The following IFT88 variants were observed in gnomAD, a reference collection of about 807,000 sequenced individuals.
The protein encoded by IFT88 is intraflagellar transport 88, also known as intraflagellar transport protein 88 homolog.
Under a neutral mutation model 119.5 loss-of-function variants are expected in IFT88, and 74 were observed. The ratio of observed to expected loss-of-function variants is 0.62; its 90% confidence interval spans 0.51 to 0.75. IFT88 has a LOEUF of 0.75. Ranked by LOEUF, IFT88 falls within the 30% of genes least tolerant of loss-of-function variation. IFT88 has a pLI of 0.00. For missense variants in IFT88, 961 were observed against 977.7 expected (o/e 0.98, Z 0.23); for synonymous variants, 279 against 316.7 (o/e 0.88, Z 1.26).
At chr13:20,639,007 A>C (rs189661028) in intron 17 of IFT88, among the ~76,000 whole-genome samples, 50 of 152,334 alleles carry the variant, frequency 3.3e-4, no homozygotes, top group African/African-American at 1.2e-3. Flanking sequence ...GCCAAATACT[A>C]CAAGCCATGA....
At chr13:20,657,207 G>T (rs558957677) in intron 22 of IFT88, among the ~76,000 whole-genome samples, 1 of 152,292 alleles carries the variant, frequency 6.6e-6, no homozygotes, top group South Asian at 2.1e-4. Flanking sequence ...TTAATATGCT[G>T]CGTACTCAGT....
intron 16 of IFT88, among the ~76,000 whole-genome samples, chr13:20,633,782 G>T (rs373790576): frequency 3.4e-4 from 52 of 152,306 alleles, no homozygotes; most frequent in African/African-American, 1.2e-3. Flanking sequence ...TGATGAGTCT[G>T]CTATGTAGTT....
At chr13:20,615,273 A>G (rs1419404563) in intron 13 of IFT88, among the ~76,000 whole-genome samples, 1 of 152,224 alleles carries the variant, frequency 6.6e-6, no homozygotes, top group Non-Finnish European at 1.5e-5. Context: ...TGGTATATCC[A>G]CTTTGAAAAG....
chr13:20,619,164 T>C lies in IFT88; in HGVS notation c.1199+3285T>C, dbSNP rs550119033. On this transcript the variant is annotated intron_variant, in intron 14 of 25. Transcript: ENST00000351808. ...TTTTAACCTTTTTTCTGGAATTGTT[T>C]ATGTTTGTTAAATATAAACATACAA... Among the ~76,000 whole-genome samples the C allele has an allele frequency of 2.6e-5, 4 of 152,320 alleles. 1 individual carries two copies. Among genetic ancestry groups the C allele is most frequent in the Admixed American group, 2.0e-4 (3 of 15,298 alleles).
At chr13:20,608,263 T>A (rs1212581633) in intron 13 of IFT88, 1 of 205,174 alleles carries the variant, frequency 4.9e-6, no homozygotes, top group East Asian at 1.2e-4. Flanking sequence ...GAGGGAATGG[T>A]GTGTAACTCT....
At chr13:20,664,761 A>T (rs1271040298) in intron 23 of IFT88, among the ~76,000 whole-genome samples, 1 of 152,128 alleles carries the variant, frequency 6.6e-6, no homozygotes, top group Non-Finnish European at 1.5e-5. Flanking sequence ...ATAAAGGTAA[A>T]CTATTAAGAA....
rs1180197132 is a variant in IFT88 at position 20,625,799 on chromosome 13, C to G, written c.1249C>G (p.Leu417Val). Residue 417 changes from leucine (L) to valine (V), a missense_variant, in exon 15 of 26, where the codon CTG becomes GTG. Physicochemically the swap from Leu to Val is conservative, Grantham distance 32. Coordinates refer to ENST00000351808, the MANE Select transcript of IFT88 (RefSeq NM_006531.5). ...TCAATATGTAGAGCTAGCCAATGAT[C>G]TGGAAATAAACAAAGCAGTTACATA... ...ASQYVELAND[L>V]EINKAVTYLR... 8 of 1,603,468 alleles carry G rather than the reference C, an allele frequency of 5.0e-6. No individual in the cohort carries two copies. The highest frequency in any genetic ancestry group is 1.3e-5 in the African/African-American group (1 of 74,186).
chr13:20,671,535 C>A (rs182934488), intron 24 of IFT88, among the ~76,000 whole-genome samples: 2 of 152,296 alleles, frequency 1.3e-5, no homozygotes, highest in Admixed American at 1.3e-4. Flanking sequence ...TTTGGACCAA[C>A]CACATAAATG....
chr13:20,681,268 T>C (rs1212673868), intron 24 of IFT88, among the ~76,000 whole-genome samples: 1 of 152,184 alleles, frequency 6.6e-6, no homozygotes, highest in Non-Finnish European at 1.5e-5. Flanking sequence ...GGCAGAAGAT[T>C]CTCCTGTTTG....
At position 20,601,802 on chromosome 13, in the gene IFT88, A is replaced by G; in HGVS notation, c.910A>G (p.Asn304Asp). Reference protein sequence around the residue: ...SYEHIMSMAPNLKAGYNLTIC... With the variant: ...SYEHIMSMAPDLKAGYNLTIC... ...TGAGCACATAATGAGCATGGCACCA[A>G]ATCTGAAGGCAGGCTACAACCTAAC... The change falls in exon 12 of 26, where the codon AAT (asparagine) becomes GAT (aspartate). Residue 304 changes from asparagine to aspartate, a missense_variant. By Grantham distance (23) the Asn-to-Asp change is conservative. Coordinates refer to ENST00000351808, the MANE Select transcript of IFT88 (RefSeq NM_006531.5). 3 of 1,613,640 alleles carry G rather than the reference A, an allele frequency of 1.9e-6. No individual in the cohort carries two copies. The highest frequency in any genetic ancestry group is 2.5e-6 in the Non-Finnish European group (3 of 1,179,554).
chr13:20,667,418 G>A (rs2054892392), intron 23 of IFT88, among the ~76,000 whole-genome samples: 1 of 151,984 alleles, frequency 6.6e-6, no homozygotes, highest in Non-Finnish European at 1.5e-5. Context: ...CAGGACCCTC[G>A]GGCCCCTGAG....
chr13:20,658,286 G>A (rs1207024618), intron 22 of IFT88, among the ~76,000 whole-genome samples: 3 of 151,786 alleles, frequency 2.0e-5, no homozygotes, highest in African/African-American at 7.3e-5. Flanking sequence ...GTAGAGACGG[G>A]GGCTCTACTA....
In IFT88 at chr13:20,570,655, TG is replaced by T. The variant is rs548828124; in HGVS notation, c.-7+3401del. Among the ~76,000 whole-genome samples the T allele has an allele frequency of 2.8e-3, 380 of 136,762 alleles. 3 individuals carry two copies. The highest frequency in any genetic ancestry group is 9.7e-3 in the African/African-American group (364 of 37,544). 89.7% of individuals were successfully genotyped at this position (136,762 alleles called of 152,430 possible). ...TTCCTTAATATGAAATGTCCAGAAT[TG>T]GCAAATCCATAGAGACAGAAAATGG... On this transcript the variant is annotated intron_variant, in intron 1 of 25. Coordinates refer to ENST00000351808, the MANE Select transcript of IFT88 (RefSeq NM_006531.5).
chr13:20,609,009 G>A (rs982071274), intron 13 of IFT88, among the ~76,000 whole-genome samples: 2 of 152,182 alleles, frequency 1.3e-5, no homozygotes, highest in African/African-American at 4.8e-5. Context: ...CACCTCTTCA[G>A]TGATGACTTG....
intron 2 of IFT88, among the ~76,000 whole-genome samples, chr13:20,582,647 C>G (rs910673754): frequency 2.0e-5 from 3 of 152,048 alleles, no homozygotes; most frequent in Non-Finnish European, 4.4e-5. Flanking sequence ...AAAAAAGAAA[C>G]AGAAGAAAGG....
chr13:20,640,753 A>G (rs1220908502), intron 17 of IFT88, among the ~76,000 whole-genome samples: 1 of 152,012 alleles, frequency 6.6e-6, no homozygotes, highest in Non-Finnish European at 1.5e-5. Context: ...CTGTTTGTCT[A>G]TTCCTGCCCC....
chr13:20,620,245 C>T (rs1262431953), intron 14 of IFT88, among the ~76,000 whole-genome samples: 1 of 151,934 alleles, frequency 6.6e-6, no homozygotes, highest in East Asian at 1.9e-4. Flanking sequence ...TAGGGCTATC[C>T]AGTTAACCCA....
intron 23 of IFT88, among the ~76,000 whole-genome samples, chr13:20,664,845 C>T (rs917548808): frequency 6.6e-6 from 1 of 152,012 alleles, no homozygotes; most frequent in African/African-American, 2.4e-5. Context: ...TTTGGGAGGC[C>T]AAGGTGGGCA....
chr13:20,640,341 A>C (rs2049700531), intron 17 of IFT88, among the ~76,000 whole-genome samples: 1 of 150,742 alleles, frequency 6.6e-6, no homozygotes, highest in Admixed American at 6.6e-5. Flanking sequence ...GGGAGGGCCA[A>C]GGCAGGCGGA....
Sources: gnomAD v4.1 joint callset for allele counts (sites outside exome capture counted in the v4.1 genomes callset) on GRCh38, gnomAD v4.1.1 for gene constraint, MANE v1.5 for transcripts, NCBI Gene and HGNC (gene_info 2026-07-23, HGNC 2026-07-21) for gene names.